NXN: variants seen among roughly 807,000 people sequenced by gnomAD.
NXN encodes nucleoredoxin.
In NXN, 16 loss-of-function variants were observed where a neutral mutation model predicts 48.6. The observed-to-expected ratio is 0.33, with a 90% CI of 0.22 to 0.50. The LOEUF is 0.50. Among genes scored for constraint, NXN ranks in the 20% least tolerant of loss-of-function variants. The pLI is 0.98. For missense variants in NXN, 492 were observed against 605.5 expected, an observed-to-expected ratio of 0.81 and a Z score of 1.97; for synonymous variants, 281 against 269.6, an observed-to-expected ratio of 1.04 and a Z score of -0.41.
At chr17:857,194 C>T (rs545275303) in intron 1 of NXN, among the ~76,000 whole-genome samples, 2 of 152,316 alleles carry the variant, frequency 1.3e-5, no homozygotes, top group Admixed American at 1.3e-4. Context: ...GCATGATCCT[C>T]ACAGATGGCG....
intron 1 of NXN, among the ~76,000 whole-genome samples, chr17:839,141 TAGTG>T (rs1409118555): frequency 2.0e-5 from 3 of 152,092 alleles, no homozygotes; most frequent in Non-Finnish European, 4.4e-5. Flanking sequence ...GCTTGGTTCA[TAGTG>T]AGCGTCAGGC....
chr17:977,622 A>G (rs1277999537), intron 1 of NXN, among the ~76,000 whole-genome samples: 1 of 152,282 alleles, frequency 6.6e-6, no homozygotes, highest in Non-Finnish European at 1.5e-5. Flanking sequence ...ACATTTTACC[A>G]TAATTCTATG....
chr17:877,288 T>A (rs1004712613), intron 1 of NXN, among the ~76,000 whole-genome samples: 1 of 151,558 alleles, frequency 6.6e-6, no homozygotes, highest in Non-Finnish European at 1.5e-5. Flanking sequence ...CTGAGACTAC[T>A]GGCGCCCGCC....
intron 1 of NXN, among the ~76,000 whole-genome samples, chr17:922,744 G>A (rs952921855): frequency 4.0e-5 from 6 of 151,738 alleles, no homozygotes; most frequent in African/African-American, 9.7e-5. Flanking sequence ...CTCTGCCTCC[G>A]GGGTTCAAGC....
intron 1 of NXN, among the ~76,000 whole-genome samples, chr17:892,152 C>T (rs1223976265): frequency 2.7e-5 from 4 of 149,216 alleles, no homozygotes; most frequent in African/African-American, 9.9e-5. Context: ...ATGCACAACC[C>T]AACAGGGAAC....
In NXN at chr17:940,891, T is replaced by C. The variant is rs1326101395; in HGVS notation, c.360+38428A>G. On this transcript the variant is annotated intron_variant, in intron 1 of 7. Transcript: ENST00000336868. ...GCAGCCATGAATTCACCAAACACCT[T>C]CCTGGATTTACAGTGAACAAGATTC... Among the ~76,000 whole-genome samples the C allele has an allele frequency of 5.2e-4, 60 of 114,406 alleles. 1 individual carries two copies. Among genetic ancestry groups the C allele is most frequent in the East Asian group, 7.3e-4 (3 of 4,130 alleles). 75.1% of individuals were successfully genotyped at this position (114,406 alleles called of 152,430 possible).
At chr17:852,599 G>C (rs551091538) in intron 1 of NXN, among the ~76,000 whole-genome samples, 1 of 152,134 alleles carries the variant, frequency 6.6e-6, no homozygotes, top group East Asian at 1.9e-4. Context: ...ATTTGGATAC[G>C]GGGCTCCTGG....
At chr17:858,457 G>A (rs1012075160) in intron 1 of NXN, among the ~76,000 whole-genome samples, 20 of 152,074 alleles carry the variant, frequency 1.3e-4, no homozygotes, top group African/African-American at 4.3e-4. Context: ...GCTGGGCGCG[G>A]TGGCTCACGC....
At chr17:967,459 C>T (rs369179421) in intron 1 of NXN, among the ~76,000 whole-genome samples, 1 of 152,200 alleles carries the variant, frequency 6.6e-6, no homozygotes. Flanking sequence ...ACCTCTCACC[C>T]ACAGGAAACT....
intron 1 of NXN, among the ~76,000 whole-genome samples, chr17:858,685 C>T (rs935260086): frequency 7.3e-5 from 11 of 151,180 alleles, no homozygotes; most frequent in African/African-American, 2.7e-4. Flanking sequence ...GACAAGATCG[C>T]GCCACTGCAC....
intron 1 of NXN, among the ~76,000 whole-genome samples, chr17:946,969 G>A (rs761716993): frequency 7.9e-5 from 12 of 152,192 alleles, no homozygotes; most frequent in South Asian, 2.1e-4. Context: ...GTTCAGCCAC[G>A]TATCAGCAGC....
At chr17:801,307 G>T (rs1272705605) in intron 7 of NXN, among the ~76,000 whole-genome samples, 176 bp from the exon 8 acceptor site, 3 of 152,196 alleles carry the variant, frequency 2.0e-5, no homozygotes, top group Non-Finnish European at 4.4e-5. Context: ...TCCGGAGGAA[G>T]GGGCTGCTTT....
At chr17:968,470 G>C (rs749965421) in intron 1 of NXN, among the ~76,000 whole-genome samples, 3 of 152,180 alleles carry the variant, frequency 2.0e-5, no homozygotes, top group Non-Finnish European at 2.9e-5. Context: ...CTACTCGGGA[G>C]GCTGAGGTGG....
At position 839,643 on chromosome 17, in the gene NXN, T is replaced by TA. The variant is rs1174626931; in HGVS notation, c.361-13566dup. Among the ~76,000 whole-genome samples, 24 of 148,170 alleles carry TA rather than the reference T, an allele frequency of 1.6e-4. 1 individual carries two copies. In the Middle Eastern group the frequency reaches 0.018, roughly 109 times the overall value. On this transcript the variant is annotated intron_variant, in intron 1 of 7. Coordinates refer to ENST00000336868, the MANE Select transcript of NXN (RefSeq NM_022463.5). ...GGGCAACATGGTGAAATCTCATCTC[T>TA]AAAAAAAAATTAGCCTGGCATGGTG... is the stretch of plus-strand genomic sequence containing the variant.
At chr17:873,849 G>A (rs1325048918) in intron 1 of NXN, among the ~76,000 whole-genome samples, 1 of 152,192 alleles carries the variant, frequency 6.6e-6, no homozygotes, top group Non-Finnish European at 1.5e-5. Context: ...GACAGTGAGT[G>A]AGGGAGTGGG....
chr17:863,026 C>G (rs190603774), intron 1 of NXN, among the ~76,000 whole-genome samples: 1 of 152,182 alleles, frequency 6.6e-6, no homozygotes, highest in African/African-American at 2.4e-5. Context: ...AAATGCCCCA[C>G]AGTATACTCA....
intron 1 of NXN, among the ~76,000 whole-genome samples, chr17:911,648 G>C (rs1035457433): frequency 6.6e-6 from 1 of 151,054 alleles, no homozygotes; most frequent in Non-Finnish European, 1.5e-5. Context: ...ATTTTTAGTA[G>C]AGATGAGGTT....
rs557332189 is a variant in NXN at position 849,512 on chromosome 17, G to T, written c.361-23434C>A. Among the ~76,000 whole-genome samples the T allele has an allele frequency of 7.0e-6, 1 of 142,032 alleles. No individual in the cohort carries two copies. The highest frequency in any genetic ancestry group is 2.2e-4 in the South Asian group (1 of 4,590). 93.2% of individuals were successfully genotyped at this position (142,032 alleles called of 152,430 possible). A position where few individuals can be genotyped will look rare whatever the true frequency, so the allele number is the denominator to read the frequency against. On this transcript the variant is annotated intron_variant, in intron 1 of 7. Coordinates refer to ENST00000336868, the MANE Select transcript of NXN (RefSeq NM_022463.5). The surrounding 1 kb of genome is among the most constrained non-coding windows in gnomAD (Gnocchi z 4.2). Reference sequence around the variant, plus strand: ...CGCACCACTGCACTCCATCCTGGACGACAGACAAAAAAAAAAGATGGGAGC... The same window carrying T: ...CGCACCACTGCACTCCATCCTGGACTACAGACAAAAAAAAAAGATGGGAGC...
intron 5 of NXN, among the ~76,000 whole-genome samples, chr17:809,383 A>G (rs1911778036): frequency 6.6e-6 from 1 of 152,214 alleles, no homozygotes; most frequent in Admixed American, 6.5e-5. Context: ...AGTTGCAAGT[A>G]TTTAAAACCA....
Sources: gnomAD v4.1 joint callset for allele counts (sites outside exome capture counted in the v4.1 genomes callset) on GRCh38, gnomAD v4.1.1 for gene constraint, Gnocchi (gnomAD v3.1) non-coding constraint, MANE v1.5 for transcripts, NCBI Gene and HGNC (gene_info 2026-07-23, HGNC 2026-07-21) for gene names.